Variants in TMEM255A observed in about 807,000 individuals in gnomAD.
The protein encoded by TMEM255A is family with sequence similarity 70, member A.
TMEM255A carries 14 observed loss-of-function variants against 23.5 expected under a neutral mutation model. The observed-to-expected ratio is 0.60, with a 90% CI of 0.39 to 0.93. The LOEUF (loss-of-function observed/expected upper bound fraction) is 0.93, where lower values mean the gene tolerates loss of function less well. Ranked by LOEUF, TMEM255A falls within the 40% of genes least tolerant of loss-of-function variation. The probability of loss-of-function intolerance (pLI) is 0.00; values close to 1 mark genes in which losing one functional copy is unlikely to be tolerated. For synonymous variants in TMEM255A, 104 were observed against 100.3 expected, an observed-to-expected ratio of 1.04 and a Z score of -0.22; for missense variants, 233 against 261.7, an observed-to-expected ratio of 0.89 and a Z score of 0.76.
At chrX:120,253,710 G>A, downstream of TMEM255A, 1 of 1,211,712 alleles carries the variant, frequency 8.3e-7, no homozygotes, top group Non-Finnish European at 1.1e-6. Flanking sequence ...AGATTTGCTT[G>A]ATGAGTTAAT....
At chrX:120,262,648 T>G (rs1296945847) in intron 8 of TMEM255A, among the ~76,000 whole-genome samples, 1 of 111,681 alleles carries the variant, frequency 9.0e-6, no homozygotes, top group East Asian at 2.8e-4. Context: ...CCTCCTCCTC[T>G]CCCTCCCTCC....
intron 2 of TMEM255A, among the ~76,000 whole-genome samples, chrX:120,299,328 G>C (rs781996041): frequency 2.5e-4 from 28 of 110,549 alleles, no homozygotes; most frequent in Non-Finnish European, 3.6e-4. Flanking sequence ...TTTTTTTATA[G>C]AGACAAAGTT....
At chrX:120,274,830 G>T (rs1013079621) in intron 7 of TMEM255A, among the ~76,000 whole-genome samples, 7 of 111,695 alleles carry the variant, frequency 6.3e-5, no homozygotes, top group Non-Finnish European at 1.3e-4. Context: ...AATTGGAGAG[G>T]GGGAAGCCTT....
intron 6 of TMEM255A, among the ~76,000 whole-genome samples, chrX:120,283,552 T>C (rs2057851476): frequency 9.0e-6 from 1 of 110,590 alleles, no homozygotes; most frequent in Admixed American, 9.6e-5. Context: ...CTCCCCTTAC[T>C]CCCTCCCTCC....
intron 6 of TMEM255A, among the ~76,000 whole-genome samples, chrX:120,277,667 G>A (rs1159573953): frequency 1.8e-5 from 2 of 112,349 alleles, no homozygotes; most frequent in African/African-American, 3.2e-5. Context: ...TGCCCAAGTC[G>A]TAAGTGGTAG....
intron 7 of TMEM255A, among the ~76,000 whole-genome samples, chrX:120,272,854 G>T (rs1428313647): frequency 9.3e-6 from 1 of 107,051 alleles, no homozygotes; most frequent in Non-Finnish European, 1.9e-5. Flanking sequence ...TGATTCTCCT[G>T]CCTCAGCCTC....
At chrX:120,279,998 C>CTTTTTTTTTTTTTTTTTTTTTTTTTTT (rs59428362) in intron 6 of TMEM255A, among the ~76,000 whole-genome samples, 2 of 38,223 alleles carry the variant, frequency 5.2e-5, no homozygotes, top group Non-Finnish European at 8.6e-5. Context: ...CCTTTTCTTT[C>CTTTTTTTTTTTTTTTTTTTTTTTTTTT]TTTTTTTTTT....
chrX:120,283,515 C>T (rs184648848), intron 6 of TMEM255A, among the ~76,000 whole-genome samples: 2 of 111,161 alleles, frequency 1.8e-5, no homozygotes, highest in Non-Finnish European at 3.8e-5. Flanking sequence ...CTGAATCTAG[C>T]TCCATCCAGC....
At chrX:120,267,132 A>T (rs1556017744) in intron 8 of TMEM255A, among the ~76,000 whole-genome samples, 1 of 112,381 alleles carries the variant, frequency 8.9e-6, no homozygotes, top group African/African-American at 3.2e-5. Flanking sequence ...AAAGTGAACA[A>T]GTACATGTGC....
At chrX:120,262,669 C>T (rs1407479478) in intron 8 of TMEM255A, among the ~76,000 whole-genome samples, 4 of 111,990 alleles carry the variant, frequency 3.6e-5, no homozygotes, top group African/African-American at 1.3e-4. Flanking sequence ...TGTTCTGTTG[C>T]TTTCCTCAAC....
Position 120,262,369 on chromosome X carries a change from A to G in TMEM255A, c.820-1341T>C, listed in dbSNP as rs782065467. ...GAGACACAGAAAAATCTTCCTTACC[A>G]CATAATGTTAAGACTGAGAAGAGAT... is the stretch of plus-strand genomic sequence containing the variant. On this transcript the variant is annotated intron_variant, in intron 8 of 8. Transcript: ENST00000371369. Among the ~76,000 whole-genome samples, 28 of 111,459 alleles carry G rather than the reference A, an allele frequency of 2.5e-4. No homozygotes were observed. The South Asian group carries it at 8.4e-3, about 33-fold the overall frequency.
At chrX:120,256,622 A>G (rs193208167), downstream of TMEM255A, 73 of 123,032 alleles carry the variant, frequency 5.9e-4, no homozygotes, top group Admixed American at 6.8e-3. Flanking sequence ...TTTTCTTGAC[A>G]ACAATAAATA....
At chrX:120,296,380 CTCTATTCTAT>C (rs5903573) in intron 2 of TMEM255A, among the ~76,000 whole-genome samples, 912 of 74,069 alleles carry the variant, frequency 0.012, 11 homozygotes, top group Non-Finnish European at 0.015. Flanking sequence ...TCCCCTTCTC[CTCTATTCTAT>C]TCTATTCTAT....
At chrX:120,288,154 C>T (rs991897636) in intron 4 of TMEM255A, among the ~76,000 whole-genome samples, 2 of 112,049 alleles carry the variant, frequency 1.8e-5, no homozygotes, top group East Asian at 5.6e-4. Context: ...TTCCCTTCTG[C>T]CCCCACTTCT....
chrX:120,263,374 T>C (rs1354953967), intron 8 of TMEM255A, among the ~76,000 whole-genome samples: 2 of 112,328 alleles, frequency 1.8e-5, no homozygotes, highest in African/African-American at 6.5e-5. Context: ...TCCAGCTTCC[T>C]GAGCGGCTTC....
intron 1 of TMEM255A, 62 bp from the exon 2 acceptor site, chrX:120,304,553 A>G: frequency 8.9e-7 from 1 of 1,124,579 alleles, no homozygotes; most frequent in Non-Finnish European, 1.2e-6. Flanking sequence ...TGACTTAAAG[A>G]AAAAAACACT....
At chrX:120,291,144 C>T (rs2057911797) in intron 4 of TMEM255A, 107 bp downstream of exon 4, 3 of 648,175 alleles carry the variant, frequency 4.6e-6, no homozygotes, top group Admixed American at 5.6e-5. Context: ...TTCTCCCTCT[C>T]ATGTAACCCT....
At chrX:120,293,945 T>C (rs782634625) in intron 3 of TMEM255A, 44 bp downstream of exon 3, 7 of 1,008,775 alleles carry the variant, frequency 6.9e-6, no homozygotes, top group African/African-American at 3.8e-5. Flanking sequence ...AATGTTGTGC[T>C]TTTTTAGAGG....
At chrX:120,263,938 T>C (rs1400234921) in intron 8 of TMEM255A, among the ~76,000 whole-genome samples, 7 of 111,544 alleles carry the variant, frequency 6.3e-5, no homozygotes, top group Non-Finnish European at 1.3e-4. Context: ...GCCCAATTTA[T>C]AATGAGTAAC....
Sources: gnomAD v4.1 joint callset for allele counts (sites outside exome capture counted in the v4.1 genomes callset) on GRCh38, gnomAD v4.1.1 for gene constraint, MANE v1.5 for transcripts, NCBI Gene and HGNC (gene_info 2026-07-23, HGNC 2026-07-21) for gene names.